Variants in APOB observed in about 807,000 individuals in gnomAD.
APOB encodes apolipoprotein B-100.
Under a neutral mutation model 314.1 loss-of-function variants are expected in APOB, and 153 were observed. That is an observed-to-expected ratio of 0.49 (90% CI 0.43 to 0.56). The LOEUF is 0.56. APOB is among the 20% of genes least tolerant of loss of function. The probability of loss-of-function intolerance (pLI) is 0.00; values close to 1 mark genes in which losing one functional copy is unlikely to be tolerated. For missense variants in APOB, 5,430 were observed against 5,350.7 expected (o/e 1.01, Z -0.46); for synonymous variants, 2,087 against 2,036.4 (o/e 1.02, Z -0.67).
chr2:21,018,841 T>C, intron 20 of APOB, 151 bp downstream of exon 20: 1 of 1,065,188 alleles, frequency 9.4e-7, no homozygotes, highest in Non-Finnish European at 1.4e-6. Context: ...TATTGGGTAC[T>C]CAGTTAACCC....
In APOB at chr2:21,022,919, C is replaced by T. The variant is rs747610107; in HGVS notation, c.2728G>A (p.Gly910Ser). 6.2e-6 allele frequency: 10 copies of T among 1,614,128 alleles called. No individual in the cohort carries two copies. Among genetic ancestry groups the T allele is most frequent in the Non-Finnish European group, 8.5e-6 (10 of 1,180,018 alleles). The change falls in exon 18 of 29, where the codon GGT becomes AGT. Residue 910 changes from glycine (G) to serine (S), a missense_variant. Coordinates refer to ENST00000233242, the MANE Select transcript of APOB (RefSeq NM_000384.3). ...QMNTNFFHES[G>S]LEAHVALKAG... ...TTTAGGGCAACATGAGCCTCCAGAC[C>T]CGACTCGTGGAAGAAGTTGGTGTTC... is the stretch of plus-strand genomic sequence containing the variant.
Position 21,037,972 on chromosome 2 carries a change from G to T in APOB, c.523C>A (p.Gln175Lys). 2 of 1,614,188 alleles carry T rather than the reference G, an allele frequency of 1.2e-6. No homozygotes were observed. The highest frequency in any genetic ancestry group is 1.1e-5 in the South Asian group (1 of 91,074). ...TAAATCCTCACCAGAAACAACACTT[G>T]CTTGGCTTCTTCTGTCTCTGGGGGA... Reference protein sequence around the residue: ...LVPPETEEAKQVLFLDTVYGN... With the variant: ...LVPPETEEAKKVLFLDTVYGN... The change falls in exon 5 of 29, where the codon CAA becomes AAA. Residue 175 changes from glutamine (Q) to lysine (K), a missense_variant. Physicochemically the swap from Gln to Lys is moderately conservative, Grantham distance 53. Around this residue, in one of 3 missense-constraint regions of APOB, gnomAD observed 2,085 missense variants for 2,079.7 expected, o/e 1.00. Transcript: ENST00000233242.
chr2:21,027,784 G>A (rs1338683043), intron 14 of APOB, 44 bp downstream of exon 14: 1 of 1,450,766 alleles, frequency 6.9e-7, no homozygotes, highest in African/African-American at 1.4e-5. Context: ...TGTTTATGAT[G>A]CTGTACAAAA....
In APOB at chr2:21,006,134, G is replaced by A. The variant is rs773361538; in HGVS notation, c.10734C>T (p.Phe3578=). ...CTTTGCTTGTATGTTCTCCGTTGGT[G>A]AAAAAGAGGCCCTCTAGCTGTAAGT... ...KNHLQLEGLF[F]TNGEHTSKAT... is the part of the protein sequence containing the mutation. The change falls in exon 26 of 29, where the codon TTC becomes TTT. Residue 3578 remains phenylalanine, a synonymous_variant. Coordinates refer to ENST00000233242, the MANE Select transcript of APOB (RefSeq NM_000384.3). 12 of 1,613,882 alleles carry A rather than the reference G, an allele frequency of 7.4e-6. No individual in the cohort carries two copies. The highest frequency in any genetic ancestry group is 1.7e-5 in the Admixed American group (1 of 59,962).
Position 21,006,189 on chromosome 2 carries a change from T to C in APOB, c.10679A>G (p.Tyr3560Cys), listed in dbSNP as rs745721296. 1 of 1,614,082 alleles carries C rather than the reference T, an allele frequency of 6.2e-7. No individual in the cohort carries two copies. Among genetic ancestry groups the C allele is most frequent in the Admixed American group, 1.7e-5 (1 of 59,998 alleles). Residue 3560 changes from tyrosine to cysteine, a missense_variant, in exon 26 of 29, where the codon TAT (tyrosine) becomes TGT (cysteine). Around this residue, in one of 3 missense-constraint regions of APOB, gnomAD observed 3,281 missense variants for 3,171.0 expected, o/e 1.03. Coordinates refer to ENST00000233242, the MANE Select transcript of APOB (RefSeq NM_000384.3). ...TTTCGTACTGTGCTCCCAGAGGGAA[T>C]ATATGCGTTGGAGTGTGGCTTCTCC... Reference protein sequence around the residue: ...FAGEATLQRIYSLWEHSTKNH... With the variant: ...FAGEATLQRICSLWEHSTKNH...
intron 3 of APOB, among the ~76,000 whole-genome samples, 172 bp downstream of exon 3, chr2:21,042,189 A>G (rs983053774): frequency 1.3e-5 from 2 of 152,228 alleles, no homozygotes; most frequent in Non-Finnish European, 2.9e-5. Flanking sequence ...AATGTGGCTG[A>G]CTTACAAACA....
chr2:21,028,198 A>T, intron 13 of APOB, 129 bp downstream of exon 13: 1 of 1,131,182 alleles, frequency 8.8e-7, no homozygotes. Flanking sequence ...CTTTGGGTCT[A>T]GATCTGCTAC....
At position 21,008,883 on chromosome 2, in the gene APOB, G is replaced by A. The variant is rs1191356938; in HGVS notation, c.7985C>T (p.Thr2662Ile). 1 of 1,613,902 alleles carries A rather than the reference G, an allele frequency of 6.2e-7. No individual in the cohort carries two copies. The highest frequency in any genetic ancestry group is 8.5e-7 in the Non-Finnish European group (1 of 1,179,918). The change falls in exon 26 of 29, where the codon ACA (threonine) becomes ATA (isoleucine). Residue 2662 changes from threonine (T) to isoleucine (I), a missense_variant. Physicochemically the swap from Thr to Ile is moderately conservative, Grantham distance 89. Coordinates refer to ENST00000233242, the MANE Select transcript of APOB (RefSeq NM_000384.3). ...ILNTFHIPSF[T>I]IDFVEMKVKI... ...TACTTTCATTTCTACAAAGTCAATTGTAAAGGAAGGAATGTGGAAGGTGTT... is the reference window on the plus strand; with the variant it reads ...TACTTTCATTTCTACAAAGTCAATTATAAAGGAAGGAATGTGGAAGGTGTT...
intron 12 of APOB, among the ~76,000 whole-genome samples, chr2:21,029,362 G>T (rs1663820290): frequency 6.6e-6 from 1 of 152,198 alleles, no homozygotes; most frequent in African/African-American, 2.4e-5. Context: ...GAGGCAGAGA[G>T]AATTGCTTGA....
chr2:21,042,359 A>G lies in APOB; in HGVS notation c.237+2T>C. ...GGTCCCTCCTGCCTGCATCCTCCAT[A>G]CCTTGCAGTTGATCCTGGTGGCACT... On this transcript the variant is annotated splice_donor_variant, in intron 3 of 28. Coordinates refer to ENST00000233242, the MANE Select transcript of APOB (RefSeq NM_000384.3). LOFTEE classifies it high-confidence loss of function. The G allele has an allele frequency of 6.2e-7, 1 of 1,611,202 alleles. No homozygotes were observed. Among genetic ancestry groups the G allele is most frequent in the South Asian group, 1.1e-5 (1 of 91,008 alleles).
rs1447813723 is a variant in APOB, at chr2:21,004,404, G to T, written c.11952C>A (p.Thr3984=). The T allele has an allele frequency of 4.3e-6, 7 of 1,613,998 alleles. No individual in the cohort carries two copies. The East Asian group carries it at 1.3e-4, about 31-fold the overall frequency. ...AHLNIKSPAF[T]DLHLRYQKDK... ...CTTTCTGGTAGCGCAGATGGAGATC[G>T]GTGAACGCTGGGCTTTTGATATTGA... The change falls in exon 28 of 29, where the codon ACC becomes ACA. Residue 3984 remains threonine, a synonymous_variant. Coordinates refer to ENST00000233242, the MANE Select transcript of APOB (RefSeq NM_000384.3).
chr2:21,024,888 C>A (rs976809440), intron 16 of APOB, 45 bp downstream of exon 16: 6 of 1,605,350 alleles, frequency 3.7e-6, no homozygotes, highest in South Asian at 1.1e-5. Context: ...TAAAAAAAAA[C>A]CAACGTCTGG....
At chr2:21,028,948 C>T (rs532376840) in intron 12 of APOB, among the ~76,000 whole-genome samples, 231 of 152,204 alleles carry the variant, frequency 1.5e-3, no homozygotes, top group Non-Finnish European at 2.7e-3. Flanking sequence ...TAAGAGGGGG[C>T]CAAGTTGGCT....
intron 18 of APOB, among the ~76,000 whole-genome samples, chr2:21,020,269 C>T (rs949359812): frequency 6.6e-6 from 1 of 152,204 alleles, no homozygotes; most frequent in Admixed American, 6.5e-5. Flanking sequence ...GAAACTGTCT[C>T]TTTCATATGA....
chr2:21,002,244 A>G lies in APOB; in HGVS notation c.13178T>C (p.Ile4393Thr), dbSNP rs780752349. Residue 4393 changes from isoleucine (I) to threonine (T), a missense_variant, in exon 29 of 29, where the codon ATA becomes ACA. Ile to Thr is a moderately conservative substitution (Grantham distance 89). Transcript: ENST00000233242. ...ATAATATTTCACTGTCCAGCCAACT[A>G]TACTTGGATCAAAATATTCTTCACG... ...ALREEYFDPS[I>T]VGWTVKYYEL... 2 of 1,614,018 alleles carry G rather than the reference A, an allele frequency of 1.2e-6. No homozygotes were observed. The highest frequency in any genetic ancestry group is 1.7e-6 in the Non-Finnish European group (2 of 1,179,974).
At position 21,024,672 on chromosome 2, in the gene APOB, T is replaced by C. The variant is rs893024779; in HGVS notation, c.2436+261A>G. 7.7e-6 allele frequency: 5 copies of C among 645,452 alleles called. No individual in the cohort carries two copies. In the African/African-American group the frequency reaches 9.2e-5, roughly 12 times the overall value. The allele number at this position is 645,452 out of a possible 1,614,324, so 40.0% of individuals were successfully genotyped here. A position where few individuals can be genotyped will look rare whatever the true frequency, so the allele number is the denominator to read the frequency against. ...CCTTCAGCAAAGGTAGAGGAAGGTA[T>C]ACCGAACATTGTTTTCCAGATGAAT... On this transcript the variant is annotated intron_variant, in intron 16 of 28. Transcript: ENST00000233242.
In APOB at chr2:21,006,492, T is replaced by C; in HGVS notation, c.10376A>G (p.Glu3459Gly). The C allele has an allele frequency of 6.2e-7, 1 of 1,614,144 alleles. No homozygotes were observed. Among genetic ancestry groups the C allele is most frequent in the Non-Finnish European group, 8.5e-7 (1 of 1,179,974 alleles). ...KSKPTVSSSM[E>G]FKYDFNSSML... ...TGAAGAATTGAAATCATACTTAAAT[T>C]CCATGGAGGAAGAGACAGTAGGTTT... is the stretch of plus-strand genomic sequence containing the variant. The change falls in exon 26 of 29, where the codon GAA becomes GGA. Residue 3459 changes from glutamate to glycine, a missense_variant. By Grantham distance (98) the Glu-to-Gly change is moderately conservative. This residue lies in a region of APOB where 3,281 missense variants were observed against 3,171.0 expected (regional missense o/e 1.03). Transcript: ENST00000233242.
chr2:21,009,399 G>A lies in APOB; in HGVS notation c.7469C>T (p.Thr2490Ile). The change falls in exon 26 of 29, where the codon ACC becomes ATC. Residue 2490 changes from threonine to isoleucine, a missense_variant. Thr to Ile is a moderately conservative substitution (Grantham distance 89, BLOSUM62 -1). Around this residue, in one of 3 missense-constraint regions of APOB, gnomAD observed 3,281 missense variants for 3,171.0 expected, o/e 1.03. Transcript: ENST00000233242. ...YLESLQDTKITLIINWLQEAL... is the reference protein window; with the variant it reads ...YLESLQDTKIILIINWLQEAL... ...CTCCTGTAACCAATTGATGATTAAG[G>A]TTATTTTGGTGTCCTGTAGGCTTTC... The A allele has an allele frequency of 1.2e-6, 2 of 1,614,020 alleles. No homozygotes were observed. Among genetic ancestry groups the A allele is most frequent in the Non-Finnish European group, 8.5e-7 (1 of 1,179,942 alleles).
chr2:21,002,694 A>C lies in APOB; in HGVS notation c.12728T>G (p.Phe4243Cys). Residue 4243 changes from phenylalanine to cysteine, a missense_variant, in exon 29 of 29, where the codon TTT becomes TGT. Transcript: ENST00000233242. ...SKVHNGSEIL[F>C]SYFQDLVITL... Reference sequence around the variant, plus strand: ...AATCACTAGGTCTTGGAAATAGGAAAACAGTATTTCTGAACCATTATGGAC... The same window carrying C: ...AATCACTAGGTCTTGGAAATAGGAACACAGTATTTCTGAACCATTATGGAC... 6.2e-7 allele frequency: 1 copy of C among 1,613,832 alleles called. No individual in the cohort carries two copies. The highest frequency in any genetic ancestry group is 1.3e-5 in the African/African-American group (1 of 74,992).
Sources: allele counts gnomAD v4.1 joint callset (sites outside exome capture counted in the v4.1 genomes callset), GRCh38; gene constraint gnomAD v4.1.1; regional missense constraint gnomAD v4.1.1; transcripts MANE v1.5; gene names NCBI Gene and HGNC (gene_info 2026-07-23, HGNC 2026-07-21).